Variants in RAD54L observed in about 807,000 individuals in gnomAD.
RAD54L encodes the protein DNA repair and recombination protein RAD54-like.
In RAD54L, 74 loss-of-function variants were observed where a neutral mutation model predicts 91.6. The ratio of observed to expected loss-of-function variants is 0.81; its 90% confidence interval spans 0.67 to 0.98. The LOEUF is 0.98. RAD54L is among the 50% of genes least tolerant of loss of function. RAD54L has a pLI of 0.00. For synonymous variants in RAD54L, 304 were observed against 349.7 expected, an observed-to-expected ratio of 0.87 and a Z score of 1.46; for missense variants, 887 against 945.7, an observed-to-expected ratio of 0.94 and a Z score of 0.81.
intron 2 of RAD54L, 130 bp from the exon 3 acceptor site, chr1:46,249,870 T>C (rs557227438): frequency 1.0e-6 from 1 of 961,420 alleles, no homozygotes; most frequent in Non-Finnish European, 1.6e-6. Flanking sequence ...GCTATGAAGA[T>C]GATACACTAT....
At chr1:46,259,465 C>G (rs1164574095) in intron 4 of RAD54L, among the ~76,000 whole-genome samples, 1 of 152,060 alleles carries the variant, frequency 6.6e-6, no homozygotes, top group Non-Finnish European at 1.5e-5. Flanking sequence ...GGGAAAAGCT[C>G]TGATTCAAAG....
chr1:46,271,427 G>A (rs1660422705), intron 10 of RAD54L, among the ~76,000 whole-genome samples: 1 of 152,208 alleles, frequency 6.6e-6, no homozygotes, highest in Admixed American at 6.5e-5. Context: ...AAGCTGAGGC[G>A]AGTGGATCAC....
Position 46,260,525 on chromosome 1 carries a change from T to TTGCTGTGTTTTCTC in RAD54L, c.408-16_408-3dup. 12 of 1,612,732 alleles carry TTGCTGTGTTTTCTC rather than the reference T, an allele frequency of 7.4e-6. No individual in the cohort carries two copies. Among genetic ancestry groups the TTGCTGTGTTTTCTC allele is most frequent in the Non-Finnish European group, 1.0e-5 (12 of 1,178,972 alleles). On this transcript the variant is annotated splice_polypyrimidine_tract_variant and intron_variant, in intron 5 of 17. Coordinates refer to ENST00000371975, the MANE Select transcript of RAD54L (RefSeq NM_003579.4). The stretch of plus-strand genomic sequence containing the variant: ...CCCATGTCTGAGCACGCTGTTTTCT[T>TTGCTGTGTTTTCTC]TGCTGTGTTTTCTCAGGGAGAAACT...
chr1:46,261,505 G>A, intron 8 of RAD54L, 120 bp downstream of exon 8: 1 of 1,280,480 alleles, frequency 7.8e-7, no homozygotes, highest in South Asian at 1.3e-5. Context: ...ATGCTGCCTT[G>A]GAGACAAGTG....
chr1:46,253,540 G>A (rs1217860781), intron 3 of RAD54L, among the ~76,000 whole-genome samples: 9 of 152,022 alleles, frequency 5.9e-5, no homozygotes, highest in South Asian at 2.1e-4. Flanking sequence ...GCATGAACCC[G>A]GGAGGTGGAG....
chr1:46,274,604 A>T lies in RAD54L; in HGVS notation c.1756A>T (p.Asn586Tyr). 1 of 1,613,902 alleles carries T rather than the reference A, an allele frequency of 6.2e-7. No individual in the cohort carries two copies. Among genetic ancestry groups the T allele is most frequent in the Admixed American group, 1.7e-5 (1 of 60,030 alleles). The change falls in exon 16 of 18, where the codon AAC (asparagine) becomes TAC (tyrosine). Residue 586 changes from asparagine (N) to tyrosine (Y), a missense_variant. By Grantham distance (143) the Asn-to-Tyr change is moderately radical. Coordinates refer to ENST00000371975, the MANE Select transcript of RAD54L (RefSeq NM_003579.4). ...CTGTGGCCTCAATCTCATTGGGGCT[A>T]ACCGGCTGGTCATGTTTGACCCTGA... is the stretch of plus-strand genomic sequence containing the variant. ...GGCGLNLIGA[N>Y]RLVMFDPDWN...
At position 46,258,617 on chromosome 1, in the gene RAD54L, A is replaced by G. The variant is rs542602004; in HGVS notation, c.211-69A>G. Reference sequence around the variant, plus strand: ...TGCTGTTGTACAAAACCTAATGTGAAGCATATCATGATATTGTCCCATAAC... The same window carrying G: ...TGCTGTTGTACAAAACCTAATGTGAGGCATATCATGATATTGTCCCATAAC... On this transcript the variant is annotated intron_variant, in intron 3 of 17. Transcript: ENST00000371975. 36 of 1,162,362 alleles carry G rather than the reference A, an allele frequency of 3.1e-5. No individual in the cohort carries two copies. The African/African-American group carries it at 4.5e-4, about 15-fold the overall frequency. 72.0% of individuals were successfully genotyped at this position (1,162,362 alleles called of 1,614,324 possible).
intron 8 of RAD54L, 64 bp from the exon 9 acceptor site, chr1:46,267,395 A>G (rs527819312): frequency 8.7e-6 from 14 of 1,607,562 alleles, no homozygotes; most frequent in East Asian, 6.7e-5. Flanking sequence ...TTTCCTGTCT[A>G]CATGAGACTT....
intron 3 of RAD54L, among the ~76,000 whole-genome samples, chr1:46,250,427 C>T (rs1004406966): frequency 6.6e-6 from 1 of 152,146 alleles, no homozygotes; most frequent in African/African-American, 2.4e-5. Flanking sequence ...TTAAGGTGTA[C>T]CAGAGTCATG....
At chr1:46,252,252 T>C (rs1188664832) in intron 3 of RAD54L, among the ~76,000 whole-genome samples, 1 of 152,118 alleles carries the variant, frequency 6.6e-6, no homozygotes. Flanking sequence ...AGCTGTGCAG[T>C]GGCTAAGAGT....
intron 2 of RAD54L, 56 bp from the exon 3 acceptor site, chr1:46,249,944 A>AT: frequency 6.3e-7 from 1 of 1,594,294 alleles, no homozygotes; most frequent in South Asian, 1.1e-5. Context: ...GTTAGTTGCC[A>AT]TTATGGTGAT....
Position 46,248,419 on chromosome 1 carries a change from G to T in RAD54L, c.3+11G>T. The T allele has an allele frequency of 1.2e-6, 2 of 1,614,046 alleles. No homozygotes were observed. The highest frequency in any genetic ancestry group is 1.7e-6 in the Non-Finnish European group (2 of 1,180,010). Reference sequence around the variant, plus strand: ...CCTAGGCCCAGGATGGTAAGTGTGGGCCTAGGGGAGACTGGGAATAGCCCT... The same window carrying T: ...CCTAGGCCCAGGATGGTAAGTGTGGTCCTAGGGGAGACTGGGAATAGCCCT... On this transcript the variant is annotated intron_variant, in intron 1 of 17. Coordinates refer to ENST00000371975, the MANE Select transcript of RAD54L (RefSeq NM_003579.4).
intron 13 of RAD54L, 46 bp downstream of exon 13, chr1:46,273,511 G>A: frequency 6.2e-7 from 1 of 1,610,588 alleles, no homozygotes; most frequent in Non-Finnish European, 8.5e-7. Flanking sequence ...GGAGGAGGGT[G>A]GGAGATTTTT....
intron 4 of RAD54L, among the ~76,000 whole-genome samples, chr1:46,259,610 TA>T (rs1011836460): frequency 6.6e-6 from 1 of 151,370 alleles, no homozygotes; most frequent in African/African-American, 2.4e-5. Flanking sequence ...CTGTCTCTAC[TA>T]AAAAAAATAC....
intron 7 of RAD54L, 57 bp from the exon 8 acceptor site, chr1:46,261,204 G>GTTTTTTTTTTTTTTTTTTTTTTTTTTT: frequency 7.5e-7 from 1 of 1,341,010 alleles, no homozygotes. Context: ...TGTTTTTTTT[G>GTTTTTTTTTTTTTTTTTTTTTTTTTTT]TTTTTTTTTT....
At chr1:46,277,518 AAATCTGAAGCTGCAGCAG>A in intron 16 of RAD54L, 1 of 470,646 alleles carries the variant, frequency 2.1e-6, no homozygotes, top group Non-Finnish European at 3.9e-6. Context: ...CTTGGTGCAG[AAATCTGAAGCTGCAGCAG>A]ACAAACCTCA....
At chr1:46,261,697 T>C (rs28363219) in intron 8 of RAD54L, among the ~76,000 whole-genome samples, 2,048 of 152,196 alleles carry the variant, frequency 0.013, 45 homozygotes, top group African/African-American at 0.042. Flanking sequence ...AGGATATAAA[T>C]CAGAAAGTGT....
chr1:46,261,458 A>G (rs1660127488), intron 8 of RAD54L, 73 bp downstream of exon 8: 2 of 1,573,696 alleles, frequency 1.3e-6, no homozygotes, highest in South Asian at 1.1e-5. Context: ...TTGCCTTCCA[A>G]GGGCTGTGCT....
intron 10 of RAD54L, among the ~76,000 whole-genome samples, chr1:46,271,731 A>G (rs945817368): frequency 6.6e-6 from 1 of 152,148 alleles, no homozygotes; most frequent in Non-Finnish European, 1.5e-5. Flanking sequence ...CCTGATACCT[A>G]TCCTTCATAG....
Sources: allele counts gnomAD v4.1 joint callset (sites outside exome capture counted in the v4.1 genomes callset), GRCh38; gene constraint gnomAD v4.1.1; transcripts MANE v1.5; gene names NCBI Gene and HGNC (gene_info 2026-07-23, HGNC 2026-07-21).